ADAMTS12: variants seen among roughly 807,000 people sequenced by gnomAD.
The protein encoded by ADAMTS12 is ADAM metallopeptidase with thrombospondin type 1 motif 12.
ADAMTS12 carries 118 observed loss-of-function variants against 167.8 expected under a neutral mutation model. The ratio of observed to expected loss-of-function variants is 0.70; its 90% CI spans 0.61 to 0.82. The LOEUF is 0.82. ADAMTS12 is among the 40% of genes least tolerant of loss of function. The probability of loss-of-function intolerance (pLI) is 0.00; values close to 1 mark genes in which losing one functional copy is unlikely to be tolerated. For missense variants in ADAMTS12, 1,916 were observed against 1,998.8 expected, an observed-to-expected ratio of 0.96 and a Z score of 0.79; for synonymous variants, 704 against 716.9, an observed-to-expected ratio of 0.98 and a Z score of 0.29.
intron 12 of ADAMTS12, among the ~76,000 whole-genome samples, chr5:33,631,937 G>A (rs1739959377): frequency 6.6e-6 from 1 of 152,112 alleles, no homozygotes; most frequent in South Asian, 2.1e-4. Context: ...TTCTCACTGG[G>A]CTGGGCACCA....
intron 17 of ADAMTS12, 65 bp from the exon 18 acceptor site, chr5:33,588,874 T>C: frequency 1.3e-6 from 2 of 1,573,016 alleles, no homozygotes. Context: ...ATTCAACCAC[T>C]GAGAAAGCAG....
chr5:33,676,607 CCAGTAATTCAAAGATA>C (rs111282627), intron 5 of ADAMTS12, among the ~76,000 whole-genome samples: 246 of 151,552 alleles, frequency 1.6e-3, no homozygotes, highest in African/African-American at 5.8e-3. Flanking sequence ...TGGCTTGACC[CCAGTAATTCAAAGATA>C]CAGTGAACTA....
chr5:33,544,744 A>G (rs925894128), intron 22 of ADAMTS12, among the ~76,000 whole-genome samples: 5 of 152,224 alleles, frequency 3.3e-5, no homozygotes, highest in African/African-American at 1.2e-4. Context: ...CAAACCCGAC[A>G]AAAACAAGAT....
chr5:33,680,738 G>T (rs993681904), intron 5 of ADAMTS12, among the ~76,000 whole-genome samples: 1 of 152,136 alleles, frequency 6.6e-6, no homozygotes, highest in East Asian at 1.9e-4. Context: ...TCCTTAATGA[G>T]GGGATAGGCA....
At chr5:33,757,625 G>A (rs1745210630) in intron 2 of ADAMTS12, among the ~76,000 whole-genome samples, 1 of 152,116 alleles carries the variant, frequency 6.6e-6, no homozygotes, top group Non-Finnish European at 1.5e-5. Context: ...TCCAAGCGGT[G>A]GGAAAAAATA....
intron 5 of ADAMTS12, among the ~76,000 whole-genome samples, chr5:33,664,735 T>A (rs4866432): frequency 2.0e-5 from 3 of 151,844 alleles, no homozygotes; most frequent in Admixed American, 1.3e-4. Context: ...GAAAACAGCA[T>A]GGAGGTTTCT....
At position 33,843,129 on chromosome 5, in the gene ADAMTS12, G is replaced by C. The variant is rs185563054; in HGVS notation, c.489+37990C>G. ...AAGCCCTTAAGTAGGACAGATAAAA[G>C]TATGCATCTGTGTAGGGTTGGAACG... is the stretch of plus-strand genomic sequence containing the variant. On this transcript the variant is annotated intron_variant, in intron 2 of 23. Transcript: ENST00000504830. Among the ~76,000 whole-genome samples the C allele has an allele frequency of 1.1e-4, 16 of 152,288 alleles. No homozygotes were observed. In the East Asian group the frequency reaches 2.9e-3, roughly 28 times the overall value.
At chr5:33,595,319 G>C (rs1012265166) in intron 17 of ADAMTS12, among the ~76,000 whole-genome samples, 2 of 152,190 alleles carry the variant, frequency 1.3e-5, no homozygotes, top group Non-Finnish European at 2.9e-5. Flanking sequence ...TTACCCCGTA[G>C]TGGAAATCTG....
intron 5 of ADAMTS12, among the ~76,000 whole-genome samples, chr5:33,665,983 C>A (rs995186226): frequency 6.6e-6 from 1 of 152,208 alleles, no homozygotes; most frequent in African/African-American, 2.4e-5. Flanking sequence ...TTTACTTCAT[C>A]CTCTCCATTT....
intron 3 of ADAMTS12, among the ~76,000 whole-genome samples, chr5:33,708,722 C>T (rs1743284299): frequency 6.6e-6 from 1 of 152,100 alleles, no homozygotes; most frequent in Non-Finnish European, 1.5e-5. Context: ...CACATGTTCT[C>T]ACTTATAAGT....
chr5:33,746,778 A>G lies in ADAMTS12; in HGVS notation c.634+4626T>C, dbSNP rs148280812. Among the ~76,000 whole-genome samples the G allele has an allele frequency of 7.2e-3, 1,091 of 152,336 alleles. 9 individuals are homozygous for G. The highest frequency in any genetic ancestry group is 0.011 in the South Asian group (53 of 4,830). On this transcript the variant is annotated intron_variant, in intron 3 of 23. Transcript: ENST00000504830. ...TAAAGCCTATAATCAGTTGGCTGTT[A>G]GTAAGGAAAATTACTCTTCATAATG...
At chr5:33,539,282 T>G (rs953319904) in intron 22 of ADAMTS12, among the ~76,000 whole-genome samples, 4 of 152,180 alleles carry the variant, frequency 2.6e-5, no homozygotes, top group Non-Finnish European at 4.4e-5. Flanking sequence ...AGAGTGTTAT[T>G]TATGCAATAA....
intron 2 of ADAMTS12, among the ~76,000 whole-genome samples, chr5:33,824,320 C>G (rs1747977374): frequency 6.6e-6 from 1 of 152,148 alleles, no homozygotes; most frequent in Non-Finnish European, 1.5e-5. Flanking sequence ...AAAGGGGGGA[C>G]TTACGGGTTT....
At chr5:33,532,472 ATTTT>A (rs55826401) in intron 23 of ADAMTS12, among the ~76,000 whole-genome samples, 1 of 139,418 alleles carries the variant, frequency 7.2e-6, no homozygotes, top group Non-Finnish European at 1.6e-5. Context: ...TACTGTTTCT[ATTTT>A]TTTTTTTTTT....
rs1561139483 is a variant in ADAMTS12 at position 33,576,557 on chromosome 5, T to G, written c.3469A>C (p.Ser1157Arg). 1 of 1,614,180 alleles carries G rather than the reference T, an allele frequency of 6.2e-7. No homozygotes were observed. Among genetic ancestry groups the G allele is most frequent in the East Asian group, 2.2e-5 (1 of 44,884 alleles). Residue 1157 changes from serine (S) to arginine (R), a missense_variant, in exon 19 of 24, where the codon AGT becomes CGT. Physicochemically the swap from Ser to Arg is moderately radical, Grantham distance 110. Transcript: ENST00000504830. The part of the protein sequence containing the change: ...LTKGPEMEIH[S>R]GSGEEREQPE... ...TGTTCTCTTTCTTCCCCTGAGCCAC[T>G]GTGAATCTCCATTTCTGGACCTTTG... is the stretch of plus-strand genomic sequence containing the variant.
At chr5:33,779,463 G>C (rs1384085160) in intron 2 of ADAMTS12, among the ~76,000 whole-genome samples, 1 of 152,178 alleles carries the variant, frequency 6.6e-6, no homozygotes, top group Admixed American at 6.5e-5. Flanking sequence ...TGGGATTACA[G>C]GCATGAGCCG....
intron 3 of ADAMTS12, among the ~76,000 whole-genome samples, chr5:33,740,166 C>T (rs1744513095): frequency 6.6e-6 from 1 of 152,198 alleles, no homozygotes; most frequent in Non-Finnish European, 1.5e-5. Flanking sequence ...GTCCATTTCT[C>T]TTTCAACTCT....
intron 3 of ADAMTS12, among the ~76,000 whole-genome samples, chr5:33,748,394 G>A (rs1488567814): frequency 6.6e-6 from 1 of 152,080 alleles, no homozygotes; most frequent in African/African-American, 2.4e-5. Context: ...GCAAACATAA[G>A]GCTTAGAAAA....
intron 3 of ADAMTS12, 62 bp downstream of exon 3, chr5:33,751,342 A>G: frequency 6.2e-7 from 1 of 1,609,854 alleles, no homozygotes; most frequent in Non-Finnish European, 8.5e-7. Flanking sequence ...TCATGTTTTA[A>G]TAAAACAACC....
Sources: gnomAD v4.1 joint callset for allele counts (sites outside exome capture counted in the v4.1 genomes callset) on GRCh38, gnomAD v4.1.1 for gene constraint, MANE v1.5 for transcripts, NCBI Gene and HGNC (gene_info 2026-07-23, HGNC 2026-07-21) for gene names.